Variants in LRP1B observed in about 807,000 individuals in gnomAD.
LRP1B encodes the protein low-density lipoprotein receptor-related protein 1B.
A neutral mutation model predicts 556.6 loss-of-function variants in LRP1B; 217 were observed. The observed-to-expected ratio is 0.39, with a 90% CI of 0.35 to 0.44. The LOEUF (loss-of-function observed/expected upper bound fraction) is 0.44. LRP1B is among the 20% of genes least tolerant of loss of function. LRP1B has a pLI of 1.00. For synonymous variants in LRP1B, 2,047 were observed against 1,865.8 expected (o/e 1.10, Z -2.50); for missense variants, 5,053 against 5,620.8 (o/e 0.90, Z 3.23).
intron 7 of LRP1B, among the ~76,000 whole-genome samples, chr2:141,149,038 G>A (rs1056897165): frequency 2.0e-5 from 3 of 152,038 alleles, no homozygotes; most frequent in Non-Finnish European, 2.9e-5. Flanking sequence ...GCAGTGAGCC[G>A]AGATCTCTGT....
intron 2 of LRP1B, among the ~76,000 whole-genome samples, chr2:141,608,373 T>C (rs1182472721): frequency 6.6e-6 from 1 of 152,186 alleles, no homozygotes; most frequent in Non-Finnish European, 1.5e-5. Flanking sequence ...TTGGTGGTAA[T>C]GGGAGCAACA....
intron 2 of LRP1B, among the ~76,000 whole-genome samples, chr2:141,601,906 CA>C (rs1215201923): frequency 1.3e-5 from 2 of 152,060 alleles, no homozygotes; most frequent in Non-Finnish European, 2.9e-5. Context: ...CCGGCCTTAG[CA>C]TTATTTTCTT....
chr2:140,860,303 G>A (rs1692751835), intron 27 of LRP1B, among the ~76,000 whole-genome samples: 1 of 152,258 alleles, frequency 6.6e-6, no homozygotes, highest in East Asian at 1.9e-4. Context: ...TCTAATTATT[G>A]TTGTAACTGT....
chr2:141,160,962 T>C (rs1036165160), intron 7 of LRP1B, among the ~76,000 whole-genome samples: 2 of 152,068 alleles, frequency 1.3e-5, no homozygotes, highest in Non-Finnish European at 2.9e-5. Flanking sequence ...TTCCTCGTTT[T>C]AATAATTTAC....
chr2:140,396,046 T>C (rs1383979639), intron 66 of LRP1B, among the ~76,000 whole-genome samples: 2 of 152,186 alleles, frequency 1.3e-5, no homozygotes, highest in African/African-American at 4.8e-5. Flanking sequence ...GCCTGCAGTA[T>C]TGACAAATTG....
intron 43 of LRP1B, among the ~76,000 whole-genome samples, chr2:140,593,226 T>G (rs1268701506): frequency 2.0e-5 from 3 of 152,174 alleles, no homozygotes; most frequent in Admixed American, 6.5e-5. Context: ...TGGATTCAGT[T>G]TTTAAAAGAA....
chr2:141,353,255 A>G (rs1013838399), intron 3 of LRP1B, among the ~76,000 whole-genome samples: 2 of 151,900 alleles, frequency 1.3e-5, no homozygotes, highest in Non-Finnish European at 2.9e-5. Context: ...TCATTGCATC[A>G]TTGTCTTACT....
At chr2:141,852,847 GT>G in intron 1 of LRP1B, among the ~76,000 whole-genome samples, 1 of 150,846 alleles carries the variant, frequency 6.6e-6, no homozygotes, top group East Asian at 1.9e-4. Context: ...AGTACATATT[GT>G]TTTTAAAAAA....
chr2:140,690,413 G>A (rs1043476546), intron 41 of LRP1B, among the ~76,000 whole-genome samples: 4 of 150,732 alleles, frequency 2.7e-5, no homozygotes, highest in African/African-American at 9.8e-5. Flanking sequence ...ATGGCTCCTT[G>A]TACATGCAAA....
chr2:140,534,555 A>T (rs928584312), intron 46 of LRP1B, among the ~76,000 whole-genome samples: 1 of 152,172 alleles, frequency 6.6e-6, no homozygotes. Flanking sequence ...ATAAGGAAAT[A>T]AAGCAACAAA....
At chr2:141,559,993 G>C (rs1255098065) in intron 2 of LRP1B, among the ~76,000 whole-genome samples, 2 of 151,526 alleles carry the variant, frequency 1.3e-5, no homozygotes. Context: ...CCAAAACCTT[G>C]AACTGTACCC....
chr2:141,957,991 G>C (rs1263238583), intron 1 of LRP1B, among the ~76,000 whole-genome samples: 2 of 152,016 alleles, frequency 1.3e-5, no homozygotes, highest in African/African-American at 2.4e-5. Flanking sequence ...TTCTCTGCAA[G>C]TATTCTCTGT....
chr2:140,899,548 T>C (rs1694043056), intron 23 of LRP1B, among the ~76,000 whole-genome samples: 3 of 152,230 alleles, frequency 2.0e-5, no homozygotes, highest in Admixed American at 2.0e-4. Context: ...CACTTCATAT[T>C]TGTATGAAAT....
At chr2:142,066,999 G>C (rs1705131749) in intron 1 of LRP1B, among the ~76,000 whole-genome samples, 1 of 151,308 alleles carries the variant, frequency 6.6e-6, no homozygotes, top group Non-Finnish European at 1.5e-5. Context: ...GTCTTTCCTA[G>C]CTTCTAAAGG....
intron 49 of LRP1B, among the ~76,000 whole-genome samples, chr2:140,518,441 T>G (rs1690011921): frequency 6.6e-6 from 1 of 152,174 alleles, no homozygotes; most frequent in African/African-American, 2.4e-5. Context: ...GATAACTTAT[T>G]AATACTAGAA....
intron 3 of LRP1B, among the ~76,000 whole-genome samples, chr2:141,347,677 G>A (rs1190243264): frequency 6.6e-6 from 1 of 151,748 alleles, no homozygotes; most frequent in Non-Finnish European, 1.5e-5. Context: ...TTTTCAGACA[G>A]ATCAAAAAAA....
At chr2:142,126,704 G>A (rs1355158691) in intron 1 of LRP1B, among the ~76,000 whole-genome samples, 1 of 151,800 alleles carries the variant, frequency 6.6e-6, no homozygotes, top group Non-Finnish European at 1.5e-5. Context: ...CCAGGAAAAT[G>A]CTGAAGGAAA....
intron 2 of LRP1B, among the ~76,000 whole-genome samples, chr2:141,763,144 A>G (rs1049812377): frequency 6.6e-6 from 1 of 152,200 alleles, no homozygotes; most frequent in East Asian, 1.9e-4. Flanking sequence ...GGATAGAAAT[A>G]TAGAATAGCC....
At position 140,668,578 on chromosome 2, in the gene LRP1B, C is replaced by A. The variant is rs532742199; in HGVS notation, c.6799+31672G>T. On this transcript the variant is annotated intron_variant, in intron 41 of 90. Coordinates refer to ENST00000389484, the MANE Select transcript of LRP1B (RefSeq NM_018557.3). ...AGTGTAAACTGTTTGGTCTTCTGGA[C>A]CTGCTATCGTTCATATAAATAGCCT... Among the ~76,000 whole-genome samples the A allele has an allele frequency of 1.5e-4, 23 of 152,048 alleles. No homozygotes were observed. The South Asian group carries it at 4.6e-3, about 30-fold the overall frequency.
Sources: gnomAD v4.1 joint callset for allele counts (sites outside exome capture counted in the v4.1 genomes callset) on GRCh38, gnomAD v4.1.1 for gene constraint, MANE v1.5 for transcripts, NCBI Gene and HGNC (gene_info 2026-07-23, HGNC 2026-07-21) for gene names.